The following GFRA3 variants were observed in gnomAD, a reference collection of about 807,000 sequenced individuals.
The protein encoded by GFRA3 is GDNF family receptor alpha-3.
GFRA3 carries 24 observed loss-of-function variants against 40.0 expected under a neutral mutation model. The ratio of observed to expected loss-of-function variants is 0.60; its 90% confidence interval spans 0.43 to 0.84. GFRA3 has a LOEUF of 0.84. Among genes scored for constraint, GFRA3 ranks in the 40% least tolerant of loss-of-function variants. The probability of loss-of-function intolerance (pLI) is 0.00; values close to 1 mark genes in which losing one functional copy is unlikely to be tolerated. For missense variants in GFRA3, 405 were observed against 530.6 expected, an observed-to-expected ratio of 0.76 and a Z score of 2.33; for synonymous variants, 203 against 213.5, an observed-to-expected ratio of 0.95 and a Z score of 0.43.
At chr5:138,259,299 G>C (rs1455228727) in intron 3 of GFRA3, among the ~76,000 whole-genome samples, 4 of 152,156 alleles carry the variant, frequency 2.6e-5, no homozygotes, top group Non-Finnish European at 5.9e-5. Flanking sequence ...CCTTTGCAGG[G>C]GCTCGCCTTG....
chr5:138,261,587 A>C (rs1309130652), intron 2 of GFRA3, among the ~76,000 whole-genome samples: 2 of 149,912 alleles, frequency 1.3e-5, no homozygotes, highest in African/African-American at 4.9e-5. Context: ...CCAGCTACTC[A>C]GGAGGCTGAG....
At chr5:138,271,909 T>TGTGTGTGTGAG (rs61550132) in intron 1 of GFRA3, among the ~76,000 whole-genome samples, 1 of 99,648 alleles carries the variant, frequency 1.0e-5, no homozygotes. Context: ...TTTTTTTTTT[T>TGTGTGTGTGAG]TTTTTGTGTG....
rs1468208782 is a variant in GFRA3, at chr5:138,271,905, T to TGTGTGTG, written c.91+2428_91+2429insCACACAC. 2.8e-3 allele frequency among the ~76,000 whole-genome samples: 269 copies of TGTGTGTG among 96,884 alleles called. 3 individuals carry two copies. Among genetic ancestry groups the TGTGTGTG allele is most frequent in the Admixed American group, 0.012 (100 of 8,596 alleles). 63.6% of individuals were successfully genotyped at this position (96,884 alleles called of 152,430 possible). The stretch of plus-strand genomic sequence containing the variant: ...ATTTTCTTTTCTGTTTTTTTTTTTT[T>TGTGTGTG]TTTTTTTTTGTGTGTGTGTGTGTGT... On this transcript the variant is annotated intron_variant, in intron 1 of 7. Coordinates refer to ENST00000274721, the MANE Select transcript of GFRA3 (RefSeq NM_001496.4).
At chr5:138,263,510 G>A (rs1755739825) in intron 2 of GFRA3, among the ~76,000 whole-genome samples, 1 of 152,154 alleles carries the variant, frequency 6.6e-6, no homozygotes, top group Non-Finnish European at 1.5e-5. Flanking sequence ...CATGTGACTT[G>A]CTCTCTCAAT....
At position 138,257,955 on chromosome 5, in the gene GFRA3, G is replaced by C. The variant is rs368614593; in HGVS notation, c.473-4C>G. 1.9e-6 allele frequency: 3 copies of C among 1,613,300 alleles called. No individual in the cohort carries two copies. Among genetic ancestry groups the C allele is most frequent in the Non-Finnish European group, 1.7e-6 (2 of 1,179,468 alleles). Reference sequence around the variant, plus strand: ...AACTTGAGGCAGAGGTCTGAGTCTGGGGGGAAAGGGCACGGAGTCAGTCGG... The same window carrying C: ...AACTTGAGGCAGAGGTCTGAGTCTGCGGGGAAAGGGCACGGAGTCAGTCGG... On this transcript the variant is annotated splice_polypyrimidine_tract_variant and splice_region_variant and intron_variant, in intron 3 of 7. Coordinates refer to ENST00000274721, the MANE Select transcript of GFRA3 (RefSeq NM_001496.4).
In GFRA3 at chr5:138,252,977, G is replaced by C. The variant is rs904420154; in HGVS notation, c.1194C>G (p.Ser398Arg). Residue 398 changes from serine (S) to arginine (R), a missense_variant, in exon 8 of 8, where the codon AGC becomes AGG. Physicochemically the swap from Ser to Arg is moderately radical, Grantham distance 110 (BLOSUM62 -1). Coordinates refer to ENST00000274721, the MANE Select transcript of GFRA3 (RefSeq NM_001496.4). ...CCCTGGGGAAGTCCAGCTACCATAG[G>C]CTCAGGAGCAGAATCAAGGGAAGCG... ...SCTLPLILLL[S>R]LW is the part of the protein sequence containing the mutation. 1 of 1,592,990 alleles carries C rather than the reference G, an allele frequency of 6.3e-7. No individual in the cohort carries two copies. The highest frequency in any genetic ancestry group is 8.6e-7 in the Non-Finnish European group (1 of 1,161,358).
At chr5:138,264,060 G>A (rs1278525355) in intron 2 of GFRA3, among the ~76,000 whole-genome samples, 1 of 152,164 alleles carries the variant, frequency 6.6e-6, no homozygotes, top group East Asian at 1.9e-4. Flanking sequence ...AAGAAAGGGG[G>A]AAGTAGGGAG....
intron 1 of GFRA3, among the ~76,000 whole-genome samples, chr5:138,271,913 T>TTGTGTGTG (rs1554111238): frequency 2.4e-4 from 13 of 54,328 alleles, no homozygotes; most frequent in South Asian, 1.1e-3. Flanking sequence ...TTTTTTTTTT[T>TTGTGTGTG]TGTGTGTGTG....
intron 1 of GFRA3, among the ~76,000 whole-genome samples, chr5:138,271,899 T>TGTGTGTGTG (rs1554111191): frequency 2.1e-4 from 21 of 101,356 alleles, no homozygotes; most frequent in South Asian, 4.4e-4. Context: ...TCTGTTTTTT[T>TGTGTGTGTG]TTTTTTTTTT....
chr5:138,258,086 T>C, intron 3 of GFRA3, 135 bp from the exon 4 acceptor site: 1 of 666,834 alleles, frequency 1.5e-6, no homozygotes, highest in Non-Finnish European at 2.7e-6. Context: ...CTGTCATGAA[T>C]AAACCCACTC....
At chr5:138,262,808 G>A (rs747116719) in intron 2 of GFRA3, among the ~76,000 whole-genome samples, 2 of 151,918 alleles carry the variant, frequency 1.3e-5, no homozygotes, top group Non-Finnish European at 2.9e-5. Flanking sequence ...ACCCTGTTCC[G>A]TTATTATATG....
At chr5:138,271,580 C>T in intron 1 of GFRA3, among the ~76,000 whole-genome samples, 1 of 151,886 alleles carries the variant, frequency 6.6e-6, no homozygotes, top group Non-Finnish European at 1.5e-5. Context: ...TCTCCTTTCT[C>T]CTTTTCTTTT....
chr5:138,269,897 A>G (rs1197337807), intron 1 of GFRA3, among the ~76,000 whole-genome samples: 1 of 151,786 alleles, frequency 6.6e-6, no homozygotes, highest in Non-Finnish European at 1.5e-5. Context: ...CAGTCCCACT[A>G]CTGAGTGTCT....
intron 2 of GFRA3, among the ~76,000 whole-genome samples, chr5:138,263,525 T>C (rs1302144202): frequency 1.3e-5 from 2 of 152,140 alleles, no homozygotes; most frequent in Admixed American, 6.6e-5. Context: ...CTCAATGAAA[T>C]GTAAGCAGAC....
chr5:138,260,271 T>A (rs1307935724), intron 2 of GFRA3, among the ~76,000 whole-genome samples: 1 of 152,178 alleles, frequency 6.6e-6, no homozygotes, highest in Non-Finnish European at 1.5e-5. Flanking sequence ...GCTTTAAGAA[T>A]CTTCACATGG....
At chr5:138,271,905 T>G (rs1410541341) in intron 1 of GFRA3, among the ~76,000 whole-genome samples, 10,302 of 96,358 alleles carry the variant, frequency 0.11, 451 homozygotes, top group Non-Finnish European at 0.15. Flanking sequence ...TTTTTTTTTT[T>G]TTTTTTTTTG....
chr5:138,260,098 AC>A (rs1755689443), intron 2 of GFRA3, among the ~76,000 whole-genome samples: 1 of 151,878 alleles, frequency 6.6e-6, no homozygotes, highest in Non-Finnish European at 1.5e-5. Context: ...TTTGTTCCCC[AC>A]CCCTTGGGAG....
intron 2 of GFRA3, among the ~76,000 whole-genome samples, chr5:138,260,178 CCACTGATG>C (rs1168388878): frequency 1.3e-5 from 2 of 152,178 alleles, no homozygotes; most frequent in Non-Finnish European, 2.9e-5. Flanking sequence ...CTTCCTCACC[CCACTGATG>C]GCAGGCTTGG....
In GFRA3 at chr5:138,274,414, G is replaced by T; in HGVS notation, c.11C>A (p.Pro4His). The change falls in exon 1 of 8, where the codon CCC becomes CAC. Residue 4 changes from proline (P) to histidine (H), a missense_variant. By Grantham distance (77) the Pro-to-His change is moderately conservative. Coordinates refer to ENST00000274721, the MANE Select transcript of GFRA3 (RefSeq NM_001496.4). MVR[P>H]LNPRPLPPVV... The stretch of plus-strand genomic sequence containing the variant: ...GGGCGGCAGCGGTCGCGGGTTCAGG[G>T]GGCGCACCATGGCGAGCTGTAGGCG... 7.6e-7 allele frequency: 1 copy of T among 1,310,466 alleles called. No homozygotes were observed. The allele number at this position is 1,310,466 out of a possible 1,614,324, so 81.2% of individuals were successfully genotyped here.
Sources: allele counts gnomAD v4.1 joint callset (sites outside exome capture counted in the v4.1 genomes callset), GRCh38; gene constraint gnomAD v4.1.1; transcripts MANE v1.5; gene names NCBI Gene and HGNC (gene_info 2026-07-23, HGNC 2026-07-21).